The following HAP1 variants were observed in gnomAD, a reference collection of about 807,000 sequenced individuals.
HAP1 encodes the protein huntingtin associated protein 1, also known as huntingtin-associated protein 1.
Under a neutral mutation model 60.3 loss-of-function variants are expected in HAP1, and 59 were observed. That is an observed-to-expected ratio of 0.98 (90% CI 0.79 to 1.22). The LOEUF (loss-of-function observed/expected upper bound fraction) is 1.22. Among genes scored for constraint, HAP1 ranks in the 50% most tolerant of loss-of-function variants. HAP1 has a pLI of 0.00. For missense variants in HAP1, 825 were observed against 785.3 expected (o/e 1.05, Z -0.60); for synonymous variants, 346 against 330.6 (o/e 1.05, Z -0.50).
chr17:41,733,043 T>TTG (rs1912369877), intron 1 of HAP1, among the ~76,000 whole-genome samples: 1 of 92,898 alleles, frequency 1.1e-5, no homozygotes, highest in Non-Finnish European at 2.0e-5. Context: ...TTTTGGTTTT[T>TTG]TTTTTTTTTG....
At position 41,732,773 on chromosome 17, in the gene HAP1, T is replaced by C. The variant is rs782272471; in HGVS notation, c.495A>G (p.Pro165=). Residue 165 remains proline, a synonymous_variant, in exon 2 of 11, where the codon CCA becomes CCG. Coordinates refer to ENST00000347901, the MANE Select transcript of HAP1 (RefSeq NM_177977.3). The part of the protein sequence containing the change: ...EEALCPNLPP[P]VKKITQEDVK... ...CGTCTTCCTGGGTGATCTTTTTGACTGGCGGAGGTAGGTTAGGACACAGTG... is the reference window on the plus strand; with the variant it reads ...CGTCTTCCTGGGTGATCTTTTTGACCGGCGGAGGTAGGTTAGGACACAGTG... The C allele has an allele frequency of 4.3e-6, 7 of 1,612,560 alleles. No individual in the cohort carries two copies. The Middle Eastern group carries it at 5.0e-4, about 114-fold the overall frequency.
rs782552711 is a variant in HAP1 at position 41,732,359 on chromosome 17, C to G, written c.585G>C (p.Gly195=). 6.2e-7 allele frequency: 1 copy of G among 1,614,168 alleles called. No homozygotes were observed. The highest frequency in any genetic ancestry group is 8.5e-7 in the Non-Finnish European group (1 of 1,180,014). The part of the protein sequence containing the change: ...LPPVWESVTY[G]MVLQRERDLN... ...GGTCCCTCTCTCTCTGCAGGACCAT[C>G]CCATAGGTAACGCTCTCCCAGACAG... The change falls in exon 3 of 11, where the codon GGG becomes GGC. Residue 195 remains glycine, a synonymous_variant. Transcript: ENST00000347901.
rs1431376059 is a variant in HAP1, at chr17:41,732,562, C to A, written c.549+157G>T. 7.1e-6 allele frequency: 7 copies of A among 984,418 alleles called. No homozygotes were observed. The African/African-American group carries it at 9.6e-5, about 14-fold the overall frequency. 61.0% of individuals were successfully genotyped at this position (984,418 alleles called of 1,614,324 possible). On this transcript the variant is annotated intron_variant, in intron 2 of 10. Coordinates refer to ENST00000347901, the MANE Select transcript of HAP1 (RefSeq NM_177977.3). ...TCAGACCAGATTGGCTCTGAGAGCT[C>A]TTCCAGCCTGAACATCCCACATCGA...
rs1291585391 is a variant in HAP1 at position 41,731,820 on chromosome 17, G to A, written c.897-77C>T. 3.6e-6 allele frequency: 4 copies of A among 1,103,022 alleles called. No homozygotes were observed. In the African/African-American group the frequency reaches 6.1e-5, roughly 17 times the overall value. 68.3% of individuals were successfully genotyped at this position (1,103,022 alleles called of 1,614,324 possible). A position where few individuals can be genotyped will look rare whatever the true frequency, so the allele number is the denominator to read the frequency against. On this transcript the variant is annotated intron_variant, in intron 4 of 10. Coordinates refer to ENST00000347901, the MANE Select transcript of HAP1 (RefSeq NM_177977.3). Reference sequence around the variant, plus strand: ...TCCCAGCCCACCAGGGCTAAGGGCAGTGTTCTCAATTAGTTCCAGCAACCC... The same window carrying A: ...TCCCAGCCCACCAGGGCTAAGGGCAATGTTCTCAATTAGTTCCAGCAACCC...
chr17:41,732,197 T>C (rs1269026545), intron 3 of HAP1, 33 bp downstream of exon 3: 1 of 1,608,698 alleles, frequency 6.2e-7, no homozygotes, highest in Admixed American at 1.7e-5. Flanking sequence ...AGGTGTAGAT[T>C]GGCCCGCTAT....
chr17:41,732,314 G>T lies in HAP1; in HGVS notation c.630C>A (p.Ile210=), dbSNP rs373928046. 11 of 1,613,912 alleles carry T rather than the reference G, an allele frequency of 6.8e-6. No homozygotes were observed. The highest frequency in any genetic ancestry group is 4.0e-5 in the African/African-American group (3 of 74,898). The change falls in exon 3 of 11, where the codon ATC becomes ATA. Residue 210 remains isoleucine (I), a synonymous_variant. Transcript: ENST00000347901. ...TGTTCTGTTTCACCAGGGACTGGCC[G>T]ATGCGAGCTGCAGTGTTCAGGTCCC... ...RERDLNTAAR[I]GQSLVKQNSV... is the part of the protein sequence containing the mutation.
intron 1 of HAP1, among the ~76,000 whole-genome samples, chr17:41,733,762 G>GCCCA (rs1241511696): frequency 3.1e-5 from 4 of 129,256 alleles, no homozygotes; most frequent in South Asian, 6.3e-4. Flanking sequence ...CCCTCCGCCC[G>GCCCA]CCCACCCACC....
chr17:41,725,969 C>G (rs1342452783), intron 9 of HAP1, 72 bp from the exon 10 acceptor site: 25 of 1,150,450 alleles, frequency 2.2e-5, no homozygotes, highest in Non-Finnish European at 3.3e-5. Flanking sequence ...CTTGGTCAAG[C>G]TGAAGAACCT....
rs1555587763 is a variant in HAP1, at chr17:41,723,964, GC to G, written c.*736del. ...CCTAACCAATGGGGACACATCACCT[GC>G]CACGGAATGAGGCTGATGGGAGCTG... On this transcript the variant is annotated 3_prime_UTR_variant, in exon 11 of 11. Transcript: ENST00000347901. 6.6e-6 allele frequency: 1 copy of G among 152,370 alleles called. No individual in the cohort carries two copies. The highest frequency in any genetic ancestry group is 2.4e-5 in the African/African-American group (1 of 41,456). 9.4% of individuals were successfully genotyped at this position (152,370 alleles called of 1,614,324 possible).
rs1222337749 is a variant in HAP1, at chr17:41,734,589, C to G, written c.46G>C (p.Gly16Arg). The G allele has an allele frequency of 6.3e-7, 1 of 1,578,582 alleles. No homozygotes were observed. Among genetic ancestry groups the G allele is most frequent in the African/African-American group, 1.3e-5 (1 of 74,334 alleles). The change falls in exon 1 of 11, where the codon GGA (glycine) becomes CGA (arginine). Residue 16 changes from glycine to arginine, a missense_variant. Gly to Arg is a moderately radical substitution (Grantham distance 125). Coordinates refer to ENST00000347901, the MANE Select transcript of HAP1 (RefSeq NM_177977.3). ...GTGAGTGCTGCTGGGTCCCCGGGTC[C>G]GAGCCGGCTCCCCGCGCAGCACCGG... ...LGRCCAGSRL[G>R]PGDPAALTCA...
At chr17:41,720,445 T>C (rs2143160649), downstream of HAP1, among the ~76,000 whole-genome samples, 1 of 152,214 alleles carries the variant, frequency 6.6e-6, no homozygotes, top group Middle Eastern at 3.4e-3. Flanking sequence ...TCCACCCACC[T>C]CGGCCTCCCA....
In HAP1 at chr17:41,723,023, ACAGC is replaced by A. The variant is rs1479217080; in HGVS notation, c.*1674_*1677del. The A allele has an allele frequency of 6.6e-6, 1 of 152,446 alleles. No homozygotes were observed. The highest frequency in any genetic ancestry group is 2.4e-5 in the African/African-American group (1 of 41,466). 9.4% of individuals were successfully genotyped at this position (152,446 alleles called of 1,614,324 possible). ...GAAGAAAGGATGAAGAACAGGGAAG[ACAGC>A]CAGGTCCCTCAAGTCAACAAGAACC... On this transcript the variant is annotated 3_prime_UTR_variant, in exon 11 of 11. Transcript: ENST00000347901.
At chr17:41,718,842 T>A (rs1247941315), downstream of HAP1, among the ~76,000 whole-genome samples, 1 of 152,246 alleles carries the variant, frequency 6.6e-6, no homozygotes, top group Non-Finnish European at 1.5e-5. Context: ...GGAGAAAGTC[T>A]ATGAGGAGCA....
intron 4 of HAP1, 76 bp downstream of exon 4, chr17:41,731,861 C>T: frequency 1.2e-6 from 1 of 821,304 alleles, no homozygotes; most frequent in South Asian, 1.5e-5. Flanking sequence ...GCAAGCACAT[C>T]ACCTGTGTCC....
chr17:41,727,191 C>T (rs782010018), intron 8 of HAP1, 47 bp from the exon 9 acceptor site: 13 of 994,386 alleles, frequency 1.3e-5, no homozygotes, highest in Non-Finnish European at 1.8e-5. Context: ...CACAGAACCC[C>T]CACCCATAGG....
At position 41,728,311 on chromosome 17, in the gene HAP1, C is replaced by G. The variant is rs1911853795; in HGVS notation, c.1090G>C (p.Ala364Pro). Reference sequence around the variant, plus strand: ...AGCACCAGCACCTCCGACAGCTCAGCCATCTGTTGGCTGGCCTCCGCTGGG... The same window carrying G: ...AGCACCAGCACCTCCGACAGCTCAGGCATCTGTTGGCTGGCCTCCGCTGGG... ...EQFSEASQQMAELSEVLVLRL... is the reference protein window; with the variant it reads ...EQFSEASQQMPELSEVLVLRL... Residue 364 changes from alanine to proline, a missense_variant, in exon 7 of 11, where the codon GCT becomes CCT. By Grantham distance (27) the Ala-to-Pro change is conservative (BLOSUM62 -1). Transcript: ENST00000347901. 2 of 1,613,450 alleles carry G rather than the reference C, an allele frequency of 1.2e-6. No homozygotes were observed. Among genetic ancestry groups the G allele is most frequent in the Middle Eastern group, 1.6e-4 (1 of 6,084 alleles).
chr17:41,732,638 AT>A, intron 2 of HAP1, 80 bp downstream of exon 2: 1 of 1,247,860 alleles, frequency 8.0e-7, no homozygotes, highest in Admixed American at 1.7e-5. Flanking sequence ...GAGACTGCCA[AT>A]CAGGAAATAA....
intron 6 of HAP1, 77 bp downstream of exon 6, chr17:41,731,416 T>A: frequency 1.0e-6 from 1 of 987,234 alleles, no homozygotes; most frequent in Non-Finnish European, 1.6e-6. Context: ...TGAACTTGGA[T>A]CTCCATACTC....
At chr17:41,727,547 T>TG in intron 8 of HAP1, 1 of 702,170 alleles carries the variant, frequency 1.4e-6, no homozygotes, top group Admixed American at 2.0e-5. Flanking sequence ...AAGTGTCATG[T>TG]GGGGGACCCA....
Sources: gnomAD v4.1 joint callset for allele counts (sites outside exome capture counted in the v4.1 genomes callset) on GRCh38, gnomAD v4.1.1 for gene constraint, MANE v1.5 for transcripts, NCBI Gene and HGNC (gene_info 2026-07-23, HGNC 2026-07-21) for gene names.